Variants in MARCHF6 observed in about 807,000 individuals in gnomAD.
MARCHF6 encodes membrane associated ring-CH-type finger 6.
Under a neutral mutation model 133.7 loss-of-function variants are expected in MARCHF6, and 31 were observed. The observed-to-expected ratio is 0.23, with a 90% CI of 0.17 to 0.31. The LOEUF (loss-of-function observed/expected upper bound fraction) is 0.31. Ranked by LOEUF, MARCHF6 falls within the 10% of genes least tolerant of loss-of-function variation. The pLI, the probability that MARCHF6 is intolerant of heterozygous loss-of-function variation, is 1.00. For synonymous variants in MARCHF6, 395 were observed against 402.5 expected, an observed-to-expected ratio of 0.98 and a Z score of 0.22; for missense variants, 723 against 1,121.6, an observed-to-expected ratio of 0.64 and a Z score of 5.08.
intron 4 of MARCHF6, among the ~76,000 whole-genome samples, chr5:10,385,327 A>G (rs1737401143): frequency 6.6e-6 from 1 of 152,222 alleles, no homozygotes; most frequent in Non-Finnish European, 1.5e-5. Context: ...ATATACTTTA[A>G]TAAAGACATA....
chr5:10,374,405 G>A (rs185241451), intron 1 of MARCHF6, among the ~76,000 whole-genome samples: 1 of 152,004 alleles, frequency 6.6e-6, no homozygotes, highest in Non-Finnish European at 1.5e-5. Flanking sequence ...GGTACCTTAC[G>A]GGCTCTTCTT....
chr5:10,392,951 G>A (rs1737963641), intron 7 of MARCHF6, among the ~76,000 whole-genome samples: 1 of 152,168 alleles, frequency 6.6e-6, no homozygotes, highest in Non-Finnish European at 1.5e-5. Context: ...CAAAACATTA[G>A]GCTGCTGCAT....
At chr5:10,431,222 CAACTG>C (rs1740341894) in intron 25 of MARCHF6, among the ~76,000 whole-genome samples, 1 of 152,110 alleles carries the variant, frequency 6.6e-6, no homozygotes, top group Admixed American at 6.5e-5. Context: ...AAAGGACTGT[CAACTG>C]AAAGAAGGGG....
intron 10 of MARCHF6, among the ~76,000 whole-genome samples, chr5:10,398,087 A>G (rs562387209): frequency 5.9e-5 from 9 of 152,254 alleles, no homozygotes; most frequent in South Asian, 2.1e-4. Context: ...TAGGTGTCCT[A>G]TGATTTGTGT....
At chr5:10,394,291 TA>T in intron 8 of MARCHF6, 148 bp downstream of exon 8, 1 of 473,774 alleles carries the variant, frequency 2.1e-6, no homozygotes, top group Non-Finnish European at 3.6e-6. Context: ...TTAAGTGATA[TA>T]TTGTTTATGG....
chr5:10,368,442 G>C (rs1218064468), intron 1 of MARCHF6, among the ~76,000 whole-genome samples: 3 of 152,128 alleles, frequency 2.0e-5, no homozygotes, highest in African/African-American at 7.2e-5. Flanking sequence ...AGACCAGACT[G>C]GGCAACGTGG....
At chr5:10,371,258 C>T (rs894222162) in intron 1 of MARCHF6, among the ~76,000 whole-genome samples, 1 of 152,134 alleles carries the variant, frequency 6.6e-6, no homozygotes, top group Admixed American at 6.6e-5. Flanking sequence ...CCTCAGTTTC[C>T]CAAACTATGA....
At position 10,411,546 on chromosome 5, in the gene MARCHF6, T is replaced by C; in HGVS notation, c.1896+9T>C. The stretch of plus-strand genomic sequence containing the variant: ...TAAATTTTCCACTCAGGGTAGGTGC[T>C]ATACAGACTTAATCACATATAGAGG... On this transcript the variant is annotated intron_variant, in intron 19 of 25. Coordinates refer to ENST00000274140, the MANE Select transcript of MARCHF6 (RefSeq NM_005885.4). 1 of 1,598,004 alleles carries C rather than the reference T, an allele frequency of 6.3e-7. No homozygotes were observed. Among genetic ancestry groups the C allele is most frequent in the South Asian group, 1.1e-5 (1 of 88,448 alleles).
Position 10,435,679 on chromosome 5 carries a change from A to T in MARCHF6, c.*1995A>T, listed in dbSNP as rs546294579. The T allele has an allele frequency of 5.2e-4, 3 of 5,816 alleles. No homozygotes were observed. The highest frequency in any genetic ancestry group is 1.3e-3 in the African/African-American group (1 of 752). 0.4% of individuals were successfully genotyped at this position (5,816 alleles called of 1,614,324 possible). On this transcript the variant is annotated 3_prime_UTR_variant, in exon 26 of 26. Transcript: ENST00000274140. ...TATATATATATATATATATATATAT[A>T]TATATATATATATATATATTTTTTT... is the stretch of plus-strand genomic sequence containing the variant.
At chr5:10,430,059 T>G in intron 25 of MARCHF6, 31 bp downstream of exon 25, 1 of 1,589,752 alleles carries the variant, frequency 6.3e-7, no homozygotes, top group Non-Finnish European at 8.6e-7. Context: ...GTCTCTTGTT[T>G]AAGTGTTTTC....
chr5:10,411,068 G>T (rs1739203326), intron 18 of MARCHF6, among the ~76,000 whole-genome samples: 1 of 151,896 alleles, frequency 6.6e-6, no homozygotes, highest in South Asian at 2.1e-4. Context: ...TTTTCTTTCA[G>T]TTACTGATTT....
chr5:10,373,400 TC>T (rs1039958750), intron 1 of MARCHF6, among the ~76,000 whole-genome samples: 13 of 152,132 alleles, frequency 8.5e-5, no homozygotes, highest in African/African-American at 2.9e-4. Flanking sequence ...CAGCAGTGCT[TC>T]CTGTGGTGAG....
chr5:10,423,251 C>T (rs549141491), intron 22 of MARCHF6, among the ~76,000 whole-genome samples: 238 of 152,178 alleles, frequency 1.6e-3, no homozygotes, highest in South Asian at 4.4e-3. Context: ...GAGTCCGTTG[C>T]ACCATGAGGA....
chr5:10,410,661 A>C (rs1166968366), intron 18 of MARCHF6, among the ~76,000 whole-genome samples: 1 of 152,060 alleles, frequency 6.6e-6, no homozygotes. Context: ...TCAATCTTCT[A>C]GTGAACATGT....
intron 10 of MARCHF6, among the ~76,000 whole-genome samples, chr5:10,398,923 A>G (rs193056992): frequency 1.2e-3 from 185 of 151,934 alleles, no homozygotes; most frequent in Non-Finnish European, 9.1e-4. Context: ...TTTTTCTTGC[A>G]TGGGTTGCTC....
chr5:10,415,174 A>T (rs1050743855), intron 20 of MARCHF6, among the ~76,000 whole-genome samples: 2 of 152,204 alleles, frequency 1.3e-5, no homozygotes, highest in Non-Finnish European at 2.9e-5. Context: ...TCATTTGGTG[A>T]TAAAAACAAT....
chr5:10,402,300 C>A, intron 12 of MARCHF6, 84 bp from the exon 13 acceptor site: 2 of 1,312,548 alleles, frequency 1.5e-6, no homozygotes, highest in South Asian at 1.2e-5. Flanking sequence ...TTAATTCTGT[C>A]AAAAAATACT....
Position 10,439,822 on chromosome 5 carries a change from G to A in MARCHF6, c.*6138G>A, listed in dbSNP as rs1740789144. On this transcript the variant is annotated 3_prime_UTR_variant, in exon 26 of 26. Transcript: ENST00000274140. The stretch of plus-strand genomic sequence containing the variant: ...GAAGCACCCCTTTTCTCCCTTCTCT[G>A]ACCCCATCACCTCTGTGTTCACCCT... 1.3e-5 allele frequency: 2 copies of A among 152,558 alleles called. No individual in the cohort carries two copies. The highest frequency in any genetic ancestry group is 4.8e-5 in the African/African-American group (2 of 41,436). 9.5% of individuals were successfully genotyped at this position (152,558 alleles called of 1,614,324 possible).
Position 10,405,617 on chromosome 5 carries a change from A to C in MARCHF6, c.1392A>C (p.Pro464=), listed in dbSNP as rs1450241538. The C allele has an allele frequency of 2.5e-6, 4 of 1,610,710 alleles. No individual in the cohort carries two copies. In the African/African-American group the frequency reaches 4.0e-5, roughly 16 times the overall value. ...LRNLNDPDFN[P]VQEMIHLPIY... is the part of the protein sequence containing the mutation. ...ATTTGAATGATCCAGATTTCAATCC[A>C]GTACAGGAAATGATCCATTTGCCAA... The change falls in exon 16 of 26, where the codon CCA becomes CCC. Residue 464 remains proline, a synonymous_variant. Coordinates refer to ENST00000274140, the MANE Select transcript of MARCHF6 (RefSeq NM_005885.4).
Sources: allele counts gnomAD v4.1 joint callset (sites outside exome capture counted in the v4.1 genomes callset), GRCh38; gene constraint gnomAD v4.1.1; transcripts MANE v1.5; gene names NCBI Gene and HGNC (gene_info 2026-07-23, HGNC 2026-07-21).